The following OGT variants were observed in gnomAD, a reference collection of about 807,000 sequenced individuals.
OGT encodes UDP-N-acetylglucosamine--peptide N-acetylglucosaminyltransferase 110 kDa subunit.
In OGT, 3 loss-of-function variants were observed where a neutral mutation model predicts 75.8. The ratio of observed to expected loss-of-function variants is 0.04; its 90% CI spans 0.02 to 0.10. The LOEUF (loss-of-function observed/expected upper bound fraction) is 0.10, where lower values mean the gene tolerates loss of function less well. OGT is among the 10% of genes least tolerant of loss of function. OGT has a pLI of 1.00. For synonymous variants in OGT, 257 were observed against 289.7 expected, an observed-to-expected ratio of 0.89 and a Z score of 1.15; for missense variants, 260 against 824.4, an observed-to-expected ratio of 0.32 and a Z score of 8.38.
rs911129786 is a variant in OGT, at chrX:71,574,828, A to C, written c.*1034A>C. 4.6e-5 allele frequency: 5 copies of C among 108,999 alleles called. No homozygotes were observed. The allele number at this position is 108,999 out of a possible 1,213,427, so 9.0% of individuals were successfully genotyped here. On this transcript the variant is annotated 3_prime_UTR_variant, in exon 22 of 22. Transcript: ENST00000373719. ...CAGAAATGAAATCCCAGGTAAGTAT[A>C]AGTATTCAAGTATTTGATCAGTAAG...
At chrX:71,561,693 C>A in intron 14 of OGT, 82 bp from the exon 15 acceptor site, 1 of 812,214 alleles carries the variant, frequency 1.2e-6, no homozygotes, top group Non-Finnish European at 1.7e-6. Context: ...GCCATTAAAA[C>A]TAAATGCCAT....
At chrX:71,556,449 G>C (rs2040344193) in intron 8 of OGT, 1 of 363,537 alleles carries the variant, frequency 2.8e-6, no homozygotes, top group South Asian at 7.4e-5. Context: ...CAGTGGTGTT[G>C]GAGTGGTCAG....
At position 71,575,677 on chromosome X, in the gene OGT, G is replaced by T. The variant is rs1238362075; in HGVS notation, c.*1883G>T. The T allele has an allele frequency of 8.9e-6, 1 of 112,322 alleles. No individual in the cohort carries two copies. Among genetic ancestry groups the T allele is most frequent in the Non-Finnish European group, 1.9e-5 (1 of 53,209 alleles). 9.3% of individuals were successfully genotyped at this position (112,322 alleles called of 1,213,427 possible). The stretch of plus-strand genomic sequence containing the variant: ...CTTTTTCCTGGCACGAAAAGTAGCC[G>T]CTCTGGTTGAAGCTTTGCTTATTGT... On this transcript the variant is annotated 3_prime_UTR_variant, in exon 22 of 22. Coordinates refer to ENST00000373719, the MANE Select transcript of OGT (RefSeq NM_181672.3).
intron 15 of OGT, 37 bp downstream of exon 15, chrX:71,561,937 T>C (rs1220332352): frequency 1.7e-6 from 2 of 1,146,554 alleles, no homozygotes; most frequent in African/African-American, 1.8e-5. Context: ...TAACATGTAT[T>C]TGGCTAAGAA....
In OGT at chrX:71,559,708, A is replaced by G. The variant is rs751580563; in HGVS notation, c.1851+31A>G. On this transcript the variant is annotated intron_variant, in intron 14 of 21. Coordinates refer to ENST00000373719, the MANE Select transcript of OGT (RefSeq NM_181672.3). ...TGAAACTCTCATACTTTAACTTTTT[A>G]TTTTGAGCAAGTTTAAATAAAACTA... 7.5e-5 allele frequency: 81 copies of G among 1,084,560 alleles called. 3 individuals are homozygous for G. In the South Asian group the frequency reaches 1.2e-3, roughly 16 times the overall value. The allele number at this position is 1,084,560 out of a possible 1,213,427, so 89.4% of individuals were successfully genotyped here. A position where few individuals can be genotyped will look rare whatever the true frequency, so the allele number is the denominator to read the frequency against.
At chrX:71,560,123 C>A (rs1265425893) in intron 14 of OGT, among the ~76,000 whole-genome samples, 1 of 108,654 alleles carries the variant, frequency 9.2e-6, no homozygotes, top group Non-Finnish European at 1.9e-5. Flanking sequence ...TACTAAAATA[C>A]AAAAAATTAG....
chrX:71,550,137 T>A (rs1020604520), intron 5 of OGT, among the ~76,000 whole-genome samples: 7 of 112,144 alleles, frequency 6.2e-5, no homozygotes, highest in African/African-American at 2.3e-4. Flanking sequence ...AAGAGAAGAA[T>A]AAAGTTTTTG....
chrX:71,566,402 T>G (rs925524266), intron 19 of OGT, among the ~76,000 whole-genome samples: 1 of 111,853 alleles, frequency 8.9e-6, no homozygotes, highest in African/African-American at 3.2e-5. Context: ...CGCGTGGCTA[T>G]GGAGGCCTCA....
intron 21 of OGT, among the ~76,000 whole-genome samples, chrX:71,569,774 C>A (rs779891638): frequency 9.2e-6 from 1 of 108,913 alleles, no homozygotes; most frequent in East Asian, 2.9e-4. Flanking sequence ...CTCGCTCTGT[C>A]GCCCAGGCTG....
intron 21 of OGT, among the ~76,000 whole-genome samples, chrX:71,571,839 G>C (rs1267972061): frequency 9.2e-6 from 1 of 108,807 alleles, no homozygotes; most frequent in Non-Finnish European, 1.9e-5. Context: ...GTGTGATCTT[G>C]GCTCACTGCA....
intron 19 of OGT, among the ~76,000 whole-genome samples, chrX:71,566,699 T>C (rs1387309803): frequency 8.9e-6 from 1 of 112,343 alleles, no homozygotes; most frequent in African/African-American, 3.2e-5. Flanking sequence ...TGTAGTCTTT[T>C]ATTTATTTCA....
chrX:71,572,299 T>C (rs2040464205), intron 21 of OGT, among the ~76,000 whole-genome samples: 1 of 112,345 alleles, frequency 8.9e-6, no homozygotes, highest in South Asian at 3.6e-4. Flanking sequence ...TTTATTTCTT[T>C]TGCTGAGTAG....
chrX:71,533,491 C>G (rs1228866384), intron 1 of OGT, among the ~76,000 whole-genome samples, 155 bp downstream of exon 1: 1 of 111,954 alleles, frequency 8.9e-6, no homozygotes, highest in Non-Finnish European at 1.9e-5. Flanking sequence ...CTGATCACAT[C>G]GGGTTTTCCG....
In OGT at chrX:71,542,006, A is replaced by G. The variant is rs1454350517; in HGVS notation, c.463-2561A>G. ...AGGCCCAGCTTAAACTTCTCTTATG[A>G]GCTCATCATCTAGTTCTCTTAAAAT... On this transcript the variant is annotated intron_variant, in intron 3 of 21. Coordinates refer to ENST00000373719, the MANE Select transcript of OGT (RefSeq NM_181672.3). Among the ~76,000 whole-genome samples, 9 of 111,728 alleles carry G rather than the reference A, an allele frequency of 8.1e-5. No homozygotes were observed. The Admixed American group carries it at 8.6e-4, about 11-fold the overall frequency.
chrX:71,543,762 GTGTGTATA>G lies in OGT; in HGVS notation c.463-803_463-796del, dbSNP rs1362175071. ...TGTGTGTGTGTGTGTGTGTGTGTGTGTGTGTATATATATATATATATATATATATATTT... is the reference window on the plus strand; with the variant it reads ...TGTGTGTGTGTGTGTGTGTGTGTGTGTATATATATATATATATATATATTT... On this transcript the variant is annotated intron_variant, in intron 3 of 21. Transcript: ENST00000373719. Among the ~76,000 whole-genome samples the G allele has an allele frequency of 8.4e-4, 51 of 60,803 alleles. No individual in the cohort carries two copies. The East Asian group carries it at 0.029, about 34-fold the overall frequency. 52.8% of individuals were successfully genotyped at this position (60,803 alleles called of 115,157 possible).
At chrX:71,547,037 G>A (rs2040264732) in intron 4 of OGT, 2 of 753,475 alleles carry the variant, frequency 2.7e-6, no homozygotes, top group Admixed American at 8.7e-5. Context: ...TCTATGTAGC[G>A]CAGCAGTTCG....
intron 5 of OGT, among the ~76,000 whole-genome samples, chrX:71,551,532 G>A (rs1051220805): frequency 3.6e-5 from 4 of 111,826 alleles, no homozygotes; most frequent in Admixed American, 9.5e-5. Context: ...CTCAGGAGGC[G>A]GAGGCAGGAG....
In OGT at chrX:71,568,197, T is replaced by G. The variant is rs1188910745; in HGVS notation, c.2966+81T>G. The stretch of plus-strand genomic sequence containing the variant: ...TTATAAAATGAAACCATAAAATAAG[T>G]GTAATATAAAATAGGTGAACTAGTT... On this transcript the variant is annotated intron_variant, in intron 21 of 21. Transcript: ENST00000373719. 4 of 900,992 alleles carry G rather than the reference T, an allele frequency of 4.4e-6. No individual in the cohort carries two copies. The East Asian group carries it at 1.3e-4, about 30-fold the overall frequency. The allele number at this position is 900,992 out of a possible 1,213,427, so 74.3% of individuals were successfully genotyped here.
chrX:71,568,231 T>C (rs1192981360), intron 21 of OGT, 115 bp downstream of exon 21: 1 of 563,399 alleles, frequency 1.8e-6, no homozygotes, highest in Non-Finnish European at 2.6e-6. Flanking sequence ...TTGTATGCCC[T>C]CTGGATGGGA....
Sources: allele counts gnomAD v4.1 joint callset (sites outside exome capture counted in the v4.1 genomes callset), GRCh38; gene constraint gnomAD v4.1.1; transcripts MANE v1.5; gene names NCBI Gene and HGNC (gene_info 2026-07-23, HGNC 2026-07-21).